MEIKIN: variants seen among roughly 807,000 people sequenced by gnomAD.
MEIKIN encodes the protein meiosis-specific kinetochore protein.
At chr5:131,861,663 G>A (rs1034755801) in intron 9 of MEIKIN, among the ~76,000 whole-genome samples, 5 of 152,112 alleles carry the variant, frequency 3.3e-5, no homozygotes, top group African/African-American at 4.8e-5. Context: ...TGTCATGAAG[G>A]ATGTTCAGTT....
chr5:131,860,835 C>T (rs1377560081), intron 9 of MEIKIN, among the ~76,000 whole-genome samples: 6 of 133,248 alleles, frequency 4.5e-5, no homozygotes, highest in African/African-American at 1.7e-4. Flanking sequence ...AATCTTGGCT[C>T]ACTGCAACCT....
chr5:131,841,054 G>T (rs1414520895), intron 11 of MEIKIN, among the ~76,000 whole-genome samples: 1 of 152,020 alleles, frequency 6.6e-6, no homozygotes, highest in Non-Finnish European at 1.5e-5. Context: ...TTGAAGGTTT[G>T]ATTGTGGTAT....
At chr5:131,888,931 C>A (rs1750854561) in intron 8 of MEIKIN, among the ~76,000 whole-genome samples, 1 of 152,160 alleles carries the variant, frequency 6.6e-6, no homozygotes, top group Non-Finnish European at 1.5e-5. Context: ...CTACATATGG[C>A]TAGCCAGTTT....
chr5:131,885,025 A>G (rs1388832569), intron 8 of MEIKIN, among the ~76,000 whole-genome samples: 1 of 152,150 alleles, frequency 6.6e-6, no homozygotes, highest in Non-Finnish European at 1.5e-5. Flanking sequence ...ACAGAAAACC[A>G]AGTAAACTGC....
intron 8 of MEIKIN, among the ~76,000 whole-genome samples, chr5:131,910,748 G>A (rs1469562143): frequency 6.6e-6 from 1 of 151,416 alleles, no homozygotes; most frequent in East Asian, 1.9e-4. Flanking sequence ...TAAAAAAATT[G>A]TAAAAAGAAA....
chr5:131,895,079 T>G lies in MEIKIN; in HGVS notation c.704-16031A>C, dbSNP rs559850002. Among the ~76,000 whole-genome samples, 20 of 152,324 alleles carry G rather than the reference T, an allele frequency of 1.3e-4. No homozygotes were observed. In the South Asian group the frequency reaches 3.7e-3, roughly 28 times the overall value. On this transcript the variant is annotated intron_variant, in intron 8 of 12. Transcript: ENST00000442687. ...TACATTCCATGAATACCTAGTTTAT[T>G]GAAAATTTTTAGCATGAAGGGCTGT...
chr5:131,869,840 A>C (rs1182992971), intron 9 of MEIKIN, among the ~76,000 whole-genome samples: 2 of 152,126 alleles, frequency 1.3e-5, no homozygotes, highest in African/African-American at 4.8e-5. Context: ...GTTTCTGTTC[A>C]TGGGTTTCTG....
intron 4 of MEIKIN, among the ~76,000 whole-genome samples, chr5:131,940,136 G>C (rs1751844967): frequency 6.6e-6 from 1 of 152,188 alleles, no homozygotes; most frequent in Non-Finnish European, 1.5e-5. Flanking sequence ...GAGTGCCACA[G>C]AACTACCAGG....
At chr5:131,922,965 C>A (rs1279338156) in intron 5 of MEIKIN, among the ~76,000 whole-genome samples, 1 of 152,148 alleles carries the variant, frequency 6.6e-6, no homozygotes, top group African/African-American at 2.4e-5. Flanking sequence ...GATCTTGGCT[C>A]ACTGCAACCT....
At chr5:131,842,682 T>G (rs1475461418) in intron 11 of MEIKIN, among the ~76,000 whole-genome samples, 1 of 152,236 alleles carries the variant, frequency 6.6e-6, no homozygotes, top group East Asian at 1.9e-4. Flanking sequence ...GTGGTTACCA[T>G]AGGGCTCACA....
intron 4 of MEIKIN, among the ~76,000 whole-genome samples, chr5:131,934,923 AC>A (rs1751748102): frequency 1.3e-5 from 2 of 152,034 alleles, no homozygotes; most frequent in South Asian, 4.2e-4. Flanking sequence ...GGGCGTGGCA[AC>A]ATGCACCTGT....
intron 8 of MEIKIN, among the ~76,000 whole-genome samples, chr5:131,886,560 A>G (rs1283327514): frequency 6.6e-6 from 1 of 152,182 alleles, no homozygotes; most frequent in African/African-American, 2.4e-5. Context: ...TCAGGCAAAA[A>G]TATCCTTTAA....
chr5:131,828,645 C>T (rs62385613), intron 11 of MEIKIN, among the ~76,000 whole-genome samples: 1 of 152,080 alleles, frequency 6.6e-6, no homozygotes, highest in African/African-American at 2.4e-5. Context: ...TTTAAAATTT[C>T]CCCAAACCAA....
intron 9 of MEIKIN, among the ~76,000 whole-genome samples, chr5:131,871,129 C>T (rs900206400): frequency 6.6e-6 from 1 of 152,214 alleles, no homozygotes; most frequent in South Asian, 2.1e-4. Context: ...GTTCATCTCA[C>T]TGGGGTGTGC....
rs1414217645 is a variant in MEIKIN, at chr5:131,842,007, CT to C, written c.975+9256del. Among the ~76,000 whole-genome samples, 306 of 146,410 alleles carry C rather than the reference CT, an allele frequency of 2.1e-3. 1 individual carries two copies. The highest frequency in any genetic ancestry group is 6.2e-3 in the African/African-American group (249 of 40,250). ...GTCATCTACAGAGACAATTTAACTTCTTTTTTTTTTTGAGACAGAGTCTCAC... is the reference window on the plus strand; with the variant it reads ...GTCATCTACAGAGACAATTTAACTTCTTTTTTTTTTGAGACAGAGTCTCAC... On this transcript the variant is annotated intron_variant, in intron 11 of 12. Transcript: ENST00000442687.
intron 11 of MEIKIN, among the ~76,000 whole-genome samples, chr5:131,819,963 G>C (rs1399449924): frequency 1.4e-5 from 2 of 147,922 alleles, no homozygotes; most frequent in African/African-American, 5.0e-5. Context: ...TTTTAGTAGA[G>C]ACGGGGTTTC....
chr5:131,862,396 T>C (rs1163318131), intron 9 of MEIKIN, among the ~76,000 whole-genome samples: 1 of 152,140 alleles, frequency 6.6e-6, no homozygotes, highest in African/African-American at 2.4e-5. Context: ...CAACGAACTT[T>C]TCATTTCATT....
At chr5:131,810,902 C>T (rs1175763676) in intron 12 of MEIKIN, among the ~76,000 whole-genome samples, 1 of 152,162 alleles carries the variant, frequency 6.6e-6, no homozygotes, top group Non-Finnish European at 1.5e-5. Flanking sequence ...ACCCTGTAGT[C>T]CTGATTAGAT....
At chr5:131,934,688 A>G (rs917450665) in intron 4 of MEIKIN, among the ~76,000 whole-genome samples, 2 of 152,244 alleles carry the variant, frequency 1.3e-5, no homozygotes, top group African/African-American at 2.4e-5. Flanking sequence ...ACACTAAAAA[A>G]GATTCATAAA....
Sources: allele counts gnomAD v4.1 joint callset (sites outside exome capture counted in the v4.1 genomes callset), GRCh38; gene constraint gnomAD v4.1.1; transcripts MANE v1.5; gene names NCBI Gene and HGNC (gene_info 2026-07-23, HGNC 2026-07-21).